The following VDAC1 variants were observed in gnomAD, a reference collection of about 807,000 sequenced individuals.
VDAC1 encodes the protein non-selective voltage-gated ion channel VDAC1.
In VDAC1, 10 loss-of-function variants were observed where a neutral mutation model predicts 34.7. That is an observed-to-expected ratio of 0.29 (90% CI 0.18 to 0.49). The LOEUF (loss-of-function observed/expected upper bound fraction) is 0.49, where lower values mean the gene tolerates loss of function less well. Among genes scored for constraint, VDAC1 ranks in the 20% least tolerant of loss-of-function variants. The probability of loss-of-function intolerance (pLI) is 0.99; values close to 1 mark genes in which losing one functional copy is unlikely to be tolerated. For synonymous variants in VDAC1, 130 were observed against 136.0 expected, an observed-to-expected ratio of 0.96 and a Z score of 0.30; for missense variants, 230 against 347.9, an observed-to-expected ratio of 0.66 and a Z score of 2.69.
the VDAC1 span, among the ~76,000 whole-genome samples, chr5:134,096,780 G>A: frequency 3.9e-5 from 6 of 152,094 alleles, no homozygotes; most frequent in African/African-American, 1.4e-4. Flanking sequence ...TTTATGTAGA[G>A]AGAGGGTTTT....
the VDAC1 span, among the ~76,000 whole-genome samples, chr5:134,069,418 G>A: frequency 6.6e-6 from 1 of 152,126 alleles, no homozygotes; most frequent in Non-Finnish European, 1.5e-5. Context: ...GTGGAGCAGG[G>A]CAGGAGGAAG....
the VDAC1 span, among the ~76,000 whole-genome samples, chr5:134,030,670 C>T: frequency 6.6e-6 from 1 of 151,392 alleles, no homozygotes; most frequent in African/African-American, 2.4e-5. Context: ...GTGGTGACAG[C>T]GATCTCAGCT....
chr5:133,978,314 T>C (rs1357845460), intron 6 of VDAC1, among the ~76,000 whole-genome samples: 4 of 151,926 alleles, frequency 2.6e-5, no homozygotes. Context: ...TTTTAAAAAA[T>C]TTCTTAGAGA....
the VDAC1 span, among the ~76,000 whole-genome samples, chr5:134,061,284 T>C: frequency 6.6e-6 from 1 of 151,596 alleles, no homozygotes; most frequent in African/African-American, 2.4e-5. Context: ...GTTAAATATT[T>C]TTATTTCACA....
the VDAC1 span, among the ~76,000 whole-genome samples, chr5:134,040,017 C>T: frequency 6.6e-6 from 1 of 152,202 alleles, no homozygotes; most frequent in Non-Finnish European, 1.5e-5. Flanking sequence ...GCTCCTGGAA[C>T]CCCAAAATTG....
At chr5:134,034,512 C>T in the VDAC1 span, among the ~76,000 whole-genome samples, 1 of 152,186 alleles carries the variant, frequency 6.6e-6, no homozygotes, top group South Asian at 2.1e-4. Context: ...GCCCGGGAAG[C>T]CCAGAATGCC....
the VDAC1 span, among the ~76,000 whole-genome samples, chr5:134,093,694 C>T: frequency 2.9e-3 from 448 of 152,326 alleles, 2 homozygotes; most frequent in African/African-American, 0.01. Flanking sequence ...CCAGGTTCTT[C>T]GATCAGGCTC....
intron 1 of VDAC1, among the ~76,000 whole-genome samples, chr5:134,000,741 G>A (rs1006676045): frequency 6.6e-6 from 1 of 152,090 alleles, no homozygotes; most frequent in African/African-American, 2.4e-5. Context: ...GACTGAATTA[G>A]CTCGTTAATA....
intron 5 of VDAC1, among the ~76,000 whole-genome samples, chr5:133,985,856 G>A (rs754863453): frequency 6.6e-6 from 1 of 152,184 alleles, no homozygotes; most frequent in Non-Finnish European, 1.5e-5. Context: ...TTAATAAAAA[G>A]CTGCTGATGA....
chr5:134,072,014 T>C, the VDAC1 span, among the ~76,000 whole-genome samples: 597 of 152,240 alleles, frequency 3.9e-3, 2 homozygotes, highest in Admixed American at 7.3e-3. Context: ...AAGTTGTTTC[T>C]GGTAGTGGAA....
At chr5:133,994,603 C>T (rs946190705) in intron 1 of VDAC1, among the ~76,000 whole-genome samples, 1 of 152,108 alleles carries the variant, frequency 6.6e-6, no homozygotes. Context: ...TGCATCCCCC[C>T]GGGATAGACC....
chr5:134,109,858 C>T, the VDAC1 span, among the ~76,000 whole-genome samples: 1 of 151,914 alleles, frequency 6.6e-6, no homozygotes, highest in Admixed American at 6.6e-5. Context: ...ACTGACTTGA[C>T]TTCACTCGGC....
At chr5:134,092,163 C>A in the VDAC1 span, among the ~76,000 whole-genome samples, 1 of 152,150 alleles carries the variant, frequency 6.6e-6, no homozygotes, top group Non-Finnish European at 1.5e-5. Context: ...AACTCAGATC[C>A]CTTAATCCAA....
intron 1 of VDAC1, among the ~76,000 whole-genome samples, chr5:133,994,711 C>G (rs1211756573): frequency 6.6e-6 from 1 of 152,144 alleles, no homozygotes; most frequent in African/African-American, 2.4e-5. Context: ...TAACCCCAGG[C>G]AGACACAGAA....
chr5:133,972,418 G>T lies in VDAC1; in HGVS notation c.*353C>A, dbSNP rs185760644. The T allele has an allele frequency of 1.3e-3, 561 of 426,252 alleles. 4 individuals carry two copies. The highest frequency in any genetic ancestry group is 6.1e-3 in the Middle Eastern group (10 of 1,646). The allele number at this position is 426,252 out of a possible 1,614,324, so 26.4% of individuals were successfully genotyped here. A position where few individuals can be genotyped will look rare whatever the true frequency, so the allele number is the denominator to read the frequency against. On this transcript the variant is annotated 3_prime_UTR_variant, in exon 9 of 9. Coordinates refer to ENST00000265333, the MANE Select transcript of VDAC1 (RefSeq NM_003374.3). ...CATCAATTAGGGTTAGGGAACCAAG[G>T]TTCGATTCTCAGGAAATCACAATTT...
the VDAC1 span, among the ~76,000 whole-genome samples, chr5:134,087,991 A>G: frequency 2.7e-5 from 4 of 150,264 alleles, no homozygotes; most frequent in African/African-American, 9.8e-5. Flanking sequence ...TCTCTACTAA[A>G]AATACAAAAA....
chr5:134,072,100 C>T, the VDAC1 span, among the ~76,000 whole-genome samples: 49 of 152,240 alleles, frequency 3.2e-4, no homozygotes, highest in Admixed American at 2.1e-3. Context: ...TCCAGCCCAC[C>T]GATTCCAGGG....
the VDAC1 span, among the ~76,000 whole-genome samples, chr5:134,109,993 A>C: frequency 2.6e-5 from 4 of 152,122 alleles, no homozygotes; most frequent in African/African-American, 9.7e-5. Context: ...CGCTGTCGCC[A>C]CCTTGGTGTC....
intron 8 of VDAC1, 46 bp downstream of exon 8, chr5:133,973,745 A>AT (rs768115827): frequency 1.7e-5 from 27 of 1,590,564 alleles, no homozygotes; most frequent in Non-Finnish European, 2.0e-5. Flanking sequence ...CAGCACCACA[A>AT]TTTTTTTAAG....
Sources: allele counts gnomAD v4.1 joint callset (sites outside exome capture counted in the v4.1 genomes callset), GRCh38; gene constraint gnomAD v4.1.1; transcripts MANE v1.5; gene names NCBI Gene and HGNC (gene_info 2026-07-23, HGNC 2026-07-21).